Variants in CSMD1 observed in about 807,000 individuals in gnomAD.
The protein encoded by CSMD1 is CUB and sushi domain-containing protein 1.
CSMD1 carries 213 observed loss-of-function variants against 417.5 expected under a neutral mutation model. The ratio of observed to expected loss-of-function variants is 0.51; its 90% CI spans 0.46 to 0.57. The LOEUF (loss-of-function observed/expected upper bound fraction) is 0.57, where lower values mean the gene tolerates loss of function less well. Ranked by LOEUF, CSMD1 falls within the 20% of genes least tolerant of loss-of-function variation. The pLI, the probability that CSMD1 is intolerant of heterozygous loss-of-function variation, is 0.00. For missense variants in CSMD1, 6,923 were observed against 4,529.7 expected, an observed-to-expected ratio of 1.53 and a Z score of -15.17; for synonymous variants, 2,862 against 1,736.8, an observed-to-expected ratio of 1.65 and a Z score of -16.11.
chr8:4,045,971 C>G (rs1387031809), intron 3 of CSMD1, among the ~76,000 whole-genome samples: 3 of 151,900 alleles, frequency 2.0e-5, no homozygotes, highest in African/African-American at 2.4e-5. Context: ...ATATTAGATT[C>G]CTGTGAAGTG....
intron 5 of CSMD1, among the ~76,000 whole-genome samples, chr8:3,840,895 C>G (rs1004190580): frequency 6.6e-6 from 1 of 151,788 alleles, no homozygotes; most frequent in Non-Finnish European, 1.5e-5. Flanking sequence ...TTAGTAGAGA[C>G]GAGGTTTCAC....
chr8:3,588,551 C>G (rs1563178170), intron 8 of CSMD1, among the ~76,000 whole-genome samples: 1 of 152,142 alleles, frequency 6.6e-6, no homozygotes, highest in African/African-American at 2.4e-5. Context: ...GCACACCAAT[C>G]CTTAGTCATG....
intron 8 of CSMD1, among the ~76,000 whole-genome samples, chr8:3,594,651 C>T (rs1386447459): frequency 2.0e-5 from 3 of 152,296 alleles, no homozygotes; most frequent in East Asian, 1.9e-4. Flanking sequence ...CTGCCTCCAC[C>T]TCACCTCCCT....
intron 5 of CSMD1, among the ~76,000 whole-genome samples, chr8:3,931,042 C>T (rs1810102227): frequency 6.6e-6 from 1 of 150,474 alleles, no homozygotes; most frequent in African/African-American, 2.5e-5. Context: ...AAAATCTTAA[C>T]TGCGGTATGA....
chr8:3,994,666 A>T (rs1337697929), intron 5 of CSMD1, among the ~76,000 whole-genome samples: 1 of 152,152 alleles, frequency 6.6e-6, no homozygotes. Context: ...ATAGCCTATG[A>T]GGCTTAAATT....
At chr8:4,411,987 A>AC (rs1796672860) in intron 3 of CSMD1, among the ~76,000 whole-genome samples, 1 of 97,052 alleles carries the variant, frequency 1.0e-5, no homozygotes, top group South Asian at 4.4e-4. Context: ...AACATAGCTA[A>AC]GGGTGTGTGT....
chr8:3,713,781 G>A (rs1272443137), intron 6 of CSMD1, among the ~76,000 whole-genome samples: 1 of 152,180 alleles, frequency 6.6e-6, no homozygotes, highest in Admixed American at 6.5e-5. Flanking sequence ...AGAGGAAATT[G>A]TTTTGTGTAT....
intron 1 of CSMD1, among the ~76,000 whole-genome samples, chr8:4,795,252 C>CTTTGTTTTTTTTTTTT (rs1797912881): frequency 2.2e-5 from 1 of 46,226 alleles, no homozygotes. Flanking sequence ...GGTGTCATAG[C>CTTTGTTTTTTTTTTTT]TTTTTTTTTT....
chr8:3,297,441 ATTAAG>A (rs980604831), intron 25 of CSMD1, among the ~76,000 whole-genome samples: 2 of 152,210 alleles, frequency 1.3e-5, no homozygotes, highest in South Asian at 4.1e-4. Flanking sequence ...TAAATCAGGA[ATTAAG>A]TTAGGTTTTG....
intron 2 of CSMD1, among the ~76,000 whole-genome samples, chr8:4,458,846 G>C (rs990295830): frequency 1.3e-5 from 2 of 152,084 alleles, no homozygotes; most frequent in African/African-American, 2.4e-5. Flanking sequence ...TCAGAACTGA[G>C]GCAAGCGTAG....
chr8:4,170,254 G>C (rs1373392254), intron 3 of CSMD1, among the ~76,000 whole-genome samples: 3 of 151,608 alleles, frequency 2.0e-5, no homozygotes, highest in East Asian at 1.9e-4. Flanking sequence ...TTCTCTTTTT[G>C]AATTACCCCC....
chr8:4,627,195 G>C (rs2724956), intron 2 of CSMD1, among the ~76,000 whole-genome samples: 37,659 of 151,984 alleles, frequency 0.25, 4,932 homozygotes, highest in Middle Eastern at 0.31. Context: ...TACTCTTAGA[G>C]GTTGAAAGGA....
At chr8:4,899,788 T>C (rs568224769) in intron 1 of CSMD1, among the ~76,000 whole-genome samples, 44 of 152,250 alleles carry the variant, frequency 2.9e-4, no homozygotes, top group African/African-American at 1.0e-3. Flanking sequence ...TCCAAGAGGA[T>C]ACAAGCACAG....
chr8:4,964,118 T>C (rs1306652777), intron 1 of CSMD1, among the ~76,000 whole-genome samples: 1 of 152,110 alleles, frequency 6.6e-6, no homozygotes, highest in African/African-American at 2.4e-5. Flanking sequence ...AGTGGCACTA[T>C]CTTCATTTTT....
Position 4,295,716 on chromosome 8 carries a change from T to TTA in CSMD1, c.415+124235_415+124236dup, listed in dbSNP as rs776216174. On this transcript the variant is annotated intron_variant, in intron 3 of 69. Coordinates refer to ENST00000635120, the MANE Select transcript of CSMD1 (RefSeq NM_033225.6). The stretch of plus-strand genomic sequence containing the variant: ...ATATATGTTATATATTGTGTTAAAA[T>TTA]TATATATATCTGTGTGTGTGTATAT... Among the ~76,000 whole-genome samples the TTA allele has an allele frequency of 8.6e-5, 12 of 140,256 alleles. No individual in the cohort carries two copies. The East Asian group carries it at 2.1e-3, about 24-fold the overall frequency. The allele number at this position is 140,256 out of a possible 152,430, so 92.0% of individuals were successfully genotyped here.
At position 3,207,836 on chromosome 8, in the gene CSMD1, T is replaced by G. The variant is rs111506075; in HGVS notation, c.4868-2216A>C. Among the ~76,000 whole-genome samples, 437 of 152,286 alleles carry G rather than the reference T, an allele frequency of 2.9e-3. 2 individuals carry two copies. Among genetic ancestry groups the G allele is most frequent in the African/African-American group, 9.9e-3 (412 of 41,554 alleles). On this transcript the variant is annotated intron_variant, in intron 30 of 69. Coordinates refer to ENST00000635120, the MANE Select transcript of CSMD1 (RefSeq NM_033225.6). ...ACTCTAAAACACTTCTCTAAAACACTTCTATTTAGGTTTTTATGATTTTAA... is the reference window on the plus strand; with the variant it reads ...ACTCTAAAACACTTCTCTAAAACACGTCTATTTAGGTTTTTATGATTTTAA...
chr8:4,945,470 G>A (rs1199997449), intron 1 of CSMD1, among the ~76,000 whole-genome samples: 3 of 151,192 alleles, frequency 2.0e-5, no homozygotes, highest in East Asian at 1.9e-4. Flanking sequence ...TGAGGTGGGC[G>A]GATTACTTGA....
chr8:3,605,734 G>A (rs1045372337), intron 8 of CSMD1, among the ~76,000 whole-genome samples: 1 of 152,164 alleles, frequency 6.6e-6, no homozygotes, highest in African/African-American at 2.4e-5. Flanking sequence ...ATAGTAACAT[G>A]CACATACCAA....
intron 1 of CSMD1, among the ~76,000 whole-genome samples, chr8:4,701,177 G>C (rs1679613021): frequency 6.6e-6 from 1 of 152,044 alleles, no homozygotes; most frequent in African/African-American, 2.4e-5. Context: ...CTAGGGGAGA[G>C]TCCGTCCGCT....
Sources: gnomAD v4.1 joint callset for allele counts (sites outside exome capture counted in the v4.1 genomes callset) on GRCh38, gnomAD v4.1.1 for gene constraint, MANE v1.5 for transcripts, NCBI Gene and HGNC (gene_info 2026-07-23, HGNC 2026-07-21) for gene names.